INAVA: variants seen among roughly 807,000 people sequenced by gnomAD.
INAVA encodes the protein innate immunity activator protein.
A neutral mutation model predicts 55.3 loss-of-function variants in INAVA; 32 were observed. The ratio of observed to expected loss-of-function variants is 0.58; its 90% CI spans 0.44 to 0.78. The LOEUF is 0.78. INAVA is among the 30% of genes least tolerant of loss of function. INAVA has a pLI of 0.00. For synonymous variants in INAVA, 294 were observed against 329.4 expected (o/e 0.89, Z 1.16); for missense variants, 756 against 786.4 (o/e 0.96, Z 0.46).
intron 1 of INAVA, 106 bp downstream of exon 1, chr1:200,895,193 G>C: frequency 1.1e-6 from 1 of 881,860 alleles, no homozygotes. Context: ...CCCCACCCCC[G>C]CCAGCCTATG....
At chr1:200,900,534 C>A (rs1321912415) in intron 4 of INAVA, among the ~76,000 whole-genome samples, 1 of 152,198 alleles carries the variant, frequency 6.6e-6, no homozygotes, top group African/African-American at 2.4e-5. Flanking sequence ...TTACTCTGGC[C>A]CCTAGGGCTG....
upstream of INAVA, chr1:200,894,733 T>C (rs1347889489): frequency 5.3e-6 from 5 of 946,316 alleles, no homozygotes; most frequent in African/African-American, 8.9e-5. Flanking sequence ...TGGGGATTCC[T>C]CCATGGGAGC....
upstream of INAVA, chr1:200,894,674 C>T (rs1668302813): frequency 2.0e-6 from 1 of 507,210 alleles, no homozygotes; most frequent in South Asian, 8.5e-5. Context: ...GAATGTTGTA[C>T]TAGGGTCTCT....
intron 5 of INAVA, chr1:200,902,895 C>A: frequency 6.6e-6 from 1 of 152,462 alleles, no homozygotes; most frequent in Non-Finnish European, 1.5e-5. Flanking sequence ...CAGGCCAGGA[C>A]TGGCCTGGGG....
At chr1:200,905,268 G>A (rs1571867276) in intron 5 of INAVA, among the ~76,000 whole-genome samples, 2 of 152,200 alleles carry the variant, frequency 1.3e-5, no homozygotes, top group African/African-American at 4.8e-5. Flanking sequence ...GGAGCAGGCT[G>A]AGCATGTTGG....
Position 200,912,892 on chromosome 1 carries a change from T to C in INAVA, c.1645-645T>C, listed in dbSNP as rs1317584674. Reference sequence around the variant, plus strand: ...GCAGGCTGGAGGGTAGTATATAGGATAGAGCACCCTGACACTGGGTAGGGT... The same window carrying C: ...GCAGGCTGGAGGGTAGTATATAGGACAGAGCACCCTGACACTGGGTAGGGT... On this transcript the variant is annotated intron_variant, in intron 9 of 9. Coordinates refer to ENST00000413687, the MANE Select transcript of INAVA (RefSeq NM_001142569.3). Among the ~76,000 whole-genome samples the C allele has an allele frequency of 2.0e-5, 3 of 152,104 alleles. No homozygotes were observed. In the East Asian group the frequency reaches 5.8e-4, roughly 29 times the overall value.
chr1:200,899,727 G>A, intron 3 of INAVA, 130 bp downstream of exon 3: 1 of 1,348,676 alleles, frequency 7.4e-7, no homozygotes, highest in South Asian at 1.5e-5. Context: ...GCTGGGGGCT[G>A]GGGCCCAGAG....
chr1:200,901,104 C>T lies in INAVA; in HGVS notation c.465C>T (p.Val155=), dbSNP rs376170884. 1.0e-5 allele frequency: 16 copies of T among 1,534,674 alleles called. No individual in the cohort carries two copies. Among genetic ancestry groups the T allele is most frequent in the African/African-American group, 1.4e-5 (1 of 72,938 alleles). ...KKLQELQRCL[V]ERRRNSEPPP... ...TGCAGGAGCTCCAGCGCTGCCTGGT[C>T]GAGCGGCGGCGCAATAGCGAGCCAC... Residue 155 remains valine, a synonymous_variant, in exon 5 of 10, where the codon GTC becomes GTT. Coordinates refer to ENST00000413687, the MANE Select transcript of INAVA (RefSeq NM_001142569.3).
intron 9 of INAVA, 101 bp from the exon 10 acceptor site, chr1:200,913,436 T>C: frequency 1.2e-6 from 1 of 834,676 alleles, no homozygotes; most frequent in Admixed American, 2.1e-5. Context: ...CTTCTGCTGG[T>C]CAGTGTCCCT....
intron 1 of INAVA, among the ~76,000 whole-genome samples, chr1:200,897,704 C>T (rs1372103348): frequency 1.3e-5 from 2 of 152,070 alleles, no homozygotes; most frequent in Admixed American, 6.6e-5. Flanking sequence ...ACATGGCTCA[C>T]TGCAGCCTTG....
intron 9 of INAVA, 49 bp downstream of exon 9, chr1:200,912,186 G>T: frequency 6.8e-7 from 1 of 1,475,470 alleles, no homozygotes; most frequent in Non-Finnish European, 9.1e-7. Flanking sequence ...GGGCTGTTTT[G>T]TTGGGGAGGG....
chr1:200,909,162 C>A, intron 7 of INAVA, 62 bp from the exon 8 acceptor site: 1 of 1,464,472 alleles, frequency 6.8e-7, no homozygotes, highest in South Asian at 1.5e-5. Flanking sequence ...CATTCTTCTG[C>A]ACCTCTTGAG....
chr1:200,913,359 G>T (rs1227166229), intron 9 of INAVA, among the ~76,000 whole-genome samples, 178 bp from the exon 10 acceptor site: 1 of 152,166 alleles, frequency 6.6e-6, no homozygotes, highest in Non-Finnish European at 1.5e-5. Flanking sequence ...GTGTAAAGGG[G>T]GTCCCTGAAG....
chr1:200,903,039 A>C (rs1412378744), intron 5 of INAVA: 2 of 152,248 alleles, frequency 1.3e-5, no homozygotes, highest in African/African-American at 4.8e-5. Context: ...CCACTGGCCA[A>C]CTTCAGGCCC....
intron 9 of INAVA, 94 bp from the exon 10 acceptor site, chr1:200,913,443 C>T: frequency 1.1e-6 from 1 of 908,196 alleles, no homozygotes; most frequent in Non-Finnish European, 1.8e-6. Flanking sequence ...TGGTCAGTGT[C>T]CCTAAGGGAT....
intron 1 of INAVA, among the ~76,000 whole-genome samples, chr1:200,896,618 T>C (rs1179418539): frequency 2.0e-5 from 3 of 152,276 alleles, no homozygotes; most frequent in Non-Finnish European, 4.4e-5. Flanking sequence ...AAGGTACATG[T>C]TGCTTTCAGG....
rs533499756 is a variant in INAVA, at chr1:200,901,737, C to T, written c.520+578C>T. ...CACCCCACAGCCCCTTAAGTATCTA[C>T]AACCACCCTGGTCAAGGGTGGGATC... On this transcript the variant is annotated intron_variant, in intron 5 of 9. Transcript: ENST00000413687. Among the ~76,000 whole-genome samples the T allele has an allele frequency of 3.3e-5, 5 of 152,312 alleles. No homozygotes were observed. The South Asian group carries it at 8.3e-4, about 25-fold the overall frequency.
chr1:200,911,648 G>C lies in INAVA; in HGVS notation c.1155G>C (p.Pro385=), dbSNP rs937136887. Residue 385 remains proline (P), a synonymous_variant, in exon 9 of 10, where the codon CCG becomes CCC. Coordinates refer to ENST00000413687, the MANE Select transcript of INAVA (RefSeq NM_001142569.3). ...CCAGCATCTCCCACCCCACTTCGCC[G>C]GGCAGCAGCAGCCCCGACATCTCCT... ...DVSSISHPTS[P]GSSSPDISFL... The C allele has an allele frequency of 1.9e-6, 3 of 1,613,824 alleles. No homozygotes were observed. Among genetic ancestry groups the C allele is most frequent in the South Asian group, 1.1e-5 (1 of 91,072 alleles).
Position 200,908,820 on chromosome 1 carries a change from C to T in INAVA, c.665C>T (p.Thr222Ile). The T allele has an allele frequency of 3.7e-6, 6 of 1,613,974 alleles. No homozygotes were observed. The highest frequency in any genetic ancestry group is 5.1e-6 in the Non-Finnish European group (6 of 1,179,916). The change falls in exon 7 of 10, where the codon ACA becomes ATA. Residue 222 changes from threonine (T) to isoleucine (I), a missense_variant. Thr to Ile is a moderately conservative substitution (Grantham distance 89). Coordinates refer to ENST00000413687, the MANE Select transcript of INAVA (RefSeq NM_001142569.3). ...PPQTLEGLQP[T>I]GPEAGSPERA... The stretch of plus-strand genomic sequence containing the variant: ...CAAACCCTTGAGGGTCTGCAGCCAA[C>T]AGGACCTGAGGCTGGGAGCCCAGAA...
Sources: gnomAD v4.1 joint callset for allele counts (sites outside exome capture counted in the v4.1 genomes callset) on GRCh38, gnomAD v4.1.1 for gene constraint, MANE v1.5 for transcripts, NCBI Gene and HGNC (gene_info 2026-07-23, HGNC 2026-07-21) for gene names.